Variants in TMEM177 observed in about 807,000 individuals in gnomAD.
TMEM177 encodes transmembrane protein 177.
Under a neutral mutation model 14.2 loss-of-function variants are expected in TMEM177, and 4 were observed. That is an observed-to-expected ratio of 0.28 (90% CI 0.14 to 0.64). The LOEUF is 0.64. TMEM177 is among the 30% of genes least tolerant of loss of function. The pLI, the probability that TMEM177 is intolerant of heterozygous loss-of-function variation, is 0.82. For synonymous variants in TMEM177, 179 were observed against 174.5 expected (o/e 1.03, Z -0.20); for missense variants, 344 against 405.2 (o/e 0.85, Z 1.30).
downstream of TMEM177, among the ~76,000 whole-genome samples, chr2:119,688,266 T>A (rs1689046496): frequency 6.6e-6 from 1 of 152,180 alleles, no homozygotes; most frequent in African/African-American, 2.4e-5. Context: ...TCACAAAATG[T>A]AAAGTAGTTG....
In TMEM177 at chr2:119,681,216, C is replaced by A. The variant is rs149481066; in HGVS notation, c.363C>A (p.Pro121=). 1.2e-6 allele frequency: 2 copies of A among 1,614,140 alleles called. No homozygotes were observed. The highest frequency in any genetic ancestry group is 1.7e-6 in the Non-Finnish European group (2 of 1,180,050). The change falls in exon 2 of 2, where the codon CCC becomes CCA. Residue 121 remains proline, a synonymous_variant. Coordinates refer to ENST00000272521, the MANE Select transcript of TMEM177 (RefSeq NM_030577.3). The part of the protein sequence containing the change: ...LGDLVINTNH[P]VVIHGHTVDW... ...ACCTAGTGATCAACACTAACCATCCCGTGGTCATACATGGGCATACAGTGG... is the reference window on the plus strand; with the variant it reads ...ACCTAGTGATCAACACTAACCATCCAGTGGTCATACATGGGCATACAGTGG...
the TMEM177 span, among the ~76,000 whole-genome samples, chr2:119,697,705 C>CCT: frequency 1.3e-5 from 2 of 151,958 alleles, no homozygotes; most frequent in South Asian, 2.1e-4. Context: ...CCCTCAGCTT[C>CCT]CTCTCTCTCT....
At chr2:119,694,174 CACAA>C in the TMEM177 span, among the ~76,000 whole-genome samples, 4,610 of 150,986 alleles carry the variant, frequency 0.031, 128 homozygotes, top group African/African-American at 0.08. Flanking sequence ...CCACACAACA[CACAA>C]ACACACCACA....
At chr2:119,721,375 G>T in the TMEM177 span, among the ~76,000 whole-genome samples, 1 of 152,232 alleles carries the variant, frequency 6.6e-6, no homozygotes, top group Non-Finnish European at 1.5e-5. Flanking sequence ...ATTCCATGGG[G>T]AGAGAGCCCA....
chr2:119,694,225 CACAT>C, the TMEM177 span, among the ~76,000 whole-genome samples: 74 of 144,352 alleles, frequency 5.1e-4, no homozygotes, highest in African/African-American at 1.8e-3. Context: ...AAACACATAC[CACAT>C]ACATATCACA....
chr2:119,710,594 G>A, the TMEM177 span, among the ~76,000 whole-genome samples: 1 of 151,970 alleles, frequency 6.6e-6, no homozygotes, highest in Non-Finnish European at 1.5e-5. Context: ...GATGGCACTT[G>A]GACACCTGCC....
chr2:119,708,674 CAT>C, the TMEM177 span, among the ~76,000 whole-genome samples: 12 of 142,396 alleles, frequency 8.4e-5, no homozygotes, highest in Admixed American at 4.2e-4. Context: ...CACACACACA[CAT>C]ACACACACAC....
chr2:119,682,125 C>G (rs1045687109), downstream of TMEM177: 17 of 80,478 alleles, frequency 2.1e-4, no homozygotes, highest in Admixed American at 5.1e-4. Context: ...CCTTCTTGGT[C>G]GTTTTTTTTT....
the TMEM177 span, among the ~76,000 whole-genome samples, chr2:119,713,586 T>A: frequency 1.3e-5 from 2 of 152,178 alleles, no homozygotes; most frequent in South Asian, 4.1e-4. Context: ...AAGCTTATAA[T>A]CTCAGCACTT....
At position 119,681,006 on chromosome 2, in the gene TMEM177, G is replaced by T; in HGVS notation, c.153G>T (p.Gln51His). 1 of 1,614,246 alleles carries T rather than the reference G, an allele frequency of 6.2e-7. No individual in the cohort carries two copies. The highest frequency in any genetic ancestry group is 8.5e-7 in the Non-Finnish European group (1 of 1,180,038). Residue 51 changes from glutamine (Q) to histidine (H), a missense_variant, in exon 2 of 2, where the codon CAG becomes CAT. By Grantham distance (24) the Gln-to-His change is conservative. Coordinates refer to ENST00000272521, the MANE Select transcript of TMEM177 (RefSeq NM_030577.3). ...AATGGCTCTACCAGTACTGGCCTCAGGGCCAGCCAGCTCCGCTCCCTCCAC... is the reference window on the plus strand; with the variant it reads ...AATGGCTCTACCAGTACTGGCCTCATGGCCAGCCAGCTCCGCTCCCTCCAC... The part of the protein sequence containing the change: ...VVQWLYQYWP[Q>H]GQPAPLPPQL...
the TMEM177 span, among the ~76,000 whole-genome samples, chr2:119,712,199 A>G: frequency 6.6e-6 from 1 of 150,956 alleles, no homozygotes; most frequent in African/African-American, 2.4e-5. Context: ...AAAAATGGAG[A>G]TAGCACCTCA....
the TMEM177 span, among the ~76,000 whole-genome samples, chr2:119,717,359 AAAAGG>A: frequency 6.6e-6 from 1 of 151,984 alleles, no homozygotes; most frequent in Admixed American, 6.5e-5. Context: ...GAAAAAAAAG[AAAAGG>A]AAAGGAAAGA....
At chr2:119,687,560 T>A (rs145396705), downstream of TMEM177, among the ~76,000 whole-genome samples, 2,135 of 152,224 alleles carry the variant, frequency 0.014, 22 homozygotes, top group Non-Finnish European at 0.021. Flanking sequence ...GAGAACTCAC[T>A]CGCTATCATG....
chr2:119,713,704 G>A, the TMEM177 span, among the ~76,000 whole-genome samples: 1 of 152,094 alleles, frequency 6.6e-6, no homozygotes, highest in Non-Finnish European at 1.5e-5. Flanking sequence ...TGGGATGGCT[G>A]GCACTTGTAG....
the TMEM177 span, among the ~76,000 whole-genome samples, chr2:119,694,092 A>G: frequency 6.7e-6 from 1 of 149,352 alleles, no homozygotes; most frequent in South Asian, 2.1e-4. Flanking sequence ...CACCACACAC[A>G]TGGCACACAC....
chr2:119,696,891 T>C, the TMEM177 span, among the ~76,000 whole-genome samples: 1 of 152,146 alleles, frequency 6.6e-6, no homozygotes, highest in Admixed American at 6.5e-5. Context: ...TATAGGGTCT[T>C]GTGAAGGATG....
rs1688897833 is a variant in TMEM177, at chr2:119,681,393, C to T, written c.540C>T (p.Thr180=). The change falls in exon 2 of 2, where the codon ACC becomes ACT. Residue 180 remains threonine, a synonymous_variant. Coordinates refer to ENST00000272521, the MANE Select transcript of TMEM177 (RefSeq NM_030577.3). The part of the protein sequence containing the change: ...ALLAPACLAG[T]WALGVGAKYT... ...TGGCCCCAGCTTGCCTGGCAGGGAC[C>T]TGGGCACTGGGCGTGGGTGCCAAGT... The T allele has an allele frequency of 6.2e-7, 1 of 1,613,564 alleles. No homozygotes were observed. The highest frequency in any genetic ancestry group is 2.2e-5 in the East Asian group (1 of 44,882).
At chr2:119,721,815 C>A in the TMEM177 span, among the ~76,000 whole-genome samples, 13 of 152,150 alleles carry the variant, frequency 8.5e-5, no homozygotes, top group African/African-American at 2.9e-4. Flanking sequence ...GATAGAAGAG[C>A]CTTTCCCCAA....
At chr2:119,692,832 G>A in the TMEM177 span, among the ~76,000 whole-genome samples, 6 of 152,032 alleles carry the variant, frequency 3.9e-5, no homozygotes, top group Non-Finnish European at 8.8e-5. Context: ...AATTAGCCGG[G>A]TGTGGTGGTG....
Sources: allele counts gnomAD v4.1 joint callset (sites outside exome capture counted in the v4.1 genomes callset), GRCh38; gene constraint gnomAD v4.1.1; transcripts MANE v1.5; gene names NCBI Gene and HGNC (gene_info 2026-07-23, HGNC 2026-07-21).